LYST: variants seen among roughly 807,000 people sequenced by gnomAD.
The protein encoded by LYST is lysosomal-trafficking regulator.
In LYST, 192 loss-of-function variants were observed where a neutral mutation model predicts 413.6. The ratio of observed to expected loss-of-function variants is 0.46; its 90% CI spans 0.41 to 0.52. LYST has a LOEUF of 0.52. LYST is among the 20% of genes least tolerant of loss of function. The pLI, the probability that LYST is intolerant of heterozygous loss-of-function variation, is 0.00. For synonymous variants in LYST, 1,525 were observed against 1,567.3 expected (o/e 0.97, Z 0.64); for missense variants, 3,815 against 4,499.9 (o/e 0.85, Z 4.35).
At chr1:235,663,187 G>C in intron 52 of LYST, 109 bp from the exon 53 acceptor site, 2 of 770,858 alleles carry the variant, frequency 2.6e-6, no homozygotes, top group East Asian at 5.2e-5. Context: ...CAGTGGCGCA[G>C]AGAGACATAA....
At chr1:235,829,499 C>T (rs971476433) in intron 3 of LYST, 1 of 152,040 alleles carries the variant, frequency 6.6e-6, no homozygotes, top group Non-Finnish European at 1.5e-5. Context: ...AATTAGTTCC[C>T]TGAAAGCAGA....
chr1:235,713,417 C>A (rs1035555251), intron 42 of LYST, among the ~76,000 whole-genome samples: 5 of 152,170 alleles, frequency 3.3e-5, no homozygotes, highest in Non-Finnish European at 4.4e-5. Context: ...AAGAGTAGCA[C>A]ATTGGGTAGG....
At chr1:235,795,269 C>A (rs1044980593) in intron 10 of LYST, among the ~76,000 whole-genome samples, 1 of 152,156 alleles carries the variant, frequency 6.6e-6, no homozygotes, top group Non-Finnish European at 1.5e-5. Flanking sequence ...AGGTCCCAAA[C>A]CTGATAACTC....
chr1:235,693,090 C>T (rs1420263996), intron 47 of LYST, among the ~76,000 whole-genome samples: 2 of 152,180 alleles, frequency 1.3e-5, no homozygotes, highest in Non-Finnish European at 2.9e-5. Flanking sequence ...CCAAGGCGGG[C>T]AGATAACAAG....
chr1:235,782,879 T>G (rs1180679936), intron 14 of LYST, among the ~76,000 whole-genome samples: 1 of 152,198 alleles, frequency 6.6e-6, no homozygotes, highest in African/African-American at 2.4e-5. Flanking sequence ...TGCCAATACT[T>G]TCTGCATTTT....
In LYST at chr1:235,800,736, A is replaced by G. The variant is rs911639412; in HGVS notation, c.3939+135T>C. The G allele has an allele frequency of 1.1e-5, 7 of 665,770 alleles. No homozygotes were observed. The African/African-American group carries it at 1.3e-4, about 12-fold the overall frequency. 41.2% of individuals were successfully genotyped at this position (665,770 alleles called of 1,614,324 possible). On this transcript the variant is annotated intron_variant, in intron 9 of 52. Coordinates refer to ENST00000389793, the MANE Select transcript of LYST (RefSeq NM_000081.4). ...AGATTTTGGAATACCACTTGTAGGT[A>G]TTCACCTGAGGTACCAGAAAAGATA...
intron 52 of LYST, 120 bp downstream of exon 52, chr1:235,663,864 T>C (rs1658223483): frequency 8.2e-6 from 7 of 852,882 alleles, no homozygotes; most frequent in Non-Finnish European, 1.2e-5. Context: ...TGTTAAGTGG[T>C]TGGCTTTTCA....
At chr1:235,690,154 T>G (rs2103066756) in intron 47 of LYST, among the ~76,000 whole-genome samples, 1 of 152,336 alleles carries the variant, frequency 6.6e-6, no homozygotes, top group South Asian at 2.1e-4. Flanking sequence ...TTTCTTCACT[T>G]TTCATTGGAA....
chr1:235,763,650 G>C (rs1667819972), intron 21 of LYST, among the ~76,000 whole-genome samples: 1 of 151,490 alleles, frequency 6.6e-6, no homozygotes, highest in South Asian at 2.1e-4. Context: ...GGAGAGACGA[G>C]GTTTCGCTAT....
intron 1 of LYST, among the ~76,000 whole-genome samples, chr1:235,842,382 T>C (rs981626327): frequency 2.6e-5 from 4 of 152,102 alleles, no homozygotes; most frequent in African/African-American, 9.7e-5. Flanking sequence ...ACATCCACAG[T>C]GTGGCCCTGC....
chr1:235,747,309 G>A (rs1328493907), intron 28 of LYST: 1 of 439,358 alleles, frequency 2.3e-6, no homozygotes, highest in Middle Eastern at 3.4e-4. Flanking sequence ...GAGGAATAAT[G>A]GAACCCTTCA....
chr1:235,734,606 A>C lies in LYST; in HGVS notation c.8412T>G (p.Gly2804=). The change falls in exon 32 of 53, where the codon GGT becomes GGG. Residue 2804 remains glycine, a synonymous_variant. Coordinates refer to ENST00000389793, the MANE Select transcript of LYST (RefSeq NM_000081.4). The part of the protein sequence containing the change: ...YLSELIHNHQ[G]ELTEEELGTA... ...TGCCTAGCTCTTCTTCAGTCAATTC[A>C]CCTTGGTGATTATGTATCAACTCTG... 6.2e-7 allele frequency: 1 copy of C among 1,612,972 alleles called. No individual in the cohort carries two copies. The highest frequency in any genetic ancestry group is 8.5e-7 in the Non-Finnish European group (1 of 1,179,158).
chr1:235,797,718 A>G (rs922277174), intron 10 of LYST, among the ~76,000 whole-genome samples: 3 of 152,198 alleles, frequency 2.0e-5, no homozygotes, highest in Non-Finnish European at 4.4e-5. Context: ...GGATTTGTCA[A>G]TGATTTCTTA....
Position 235,809,603 on chromosome 1 carries a change from C to CA in LYST, c.1214dup (p.Leu405PhefsTer39). On this transcript the variant is annotated frameshift_variant, in exon 5 of 53. Transcript: ENST00000389793. LOFTEE classifies it high-confidence loss of function. The surrounding 1 kb of genome is among the most constrained non-coding windows in gnomAD (Gnocchi z 4.0). ...AGATCAGAATCTGAAGAACTCCTTCCAAAAGCTCAGGTAAAAGAAGGGCTC... is the reference window on the plus strand; with the variant it reads ...AGATCAGAATCTGAAGAACTCCTTCCAAAAAGCTCAGGTAAAAGAAGGGCTC... The CA allele has an allele frequency of 6.2e-7, 1 of 1,613,974 alleles. No homozygotes were observed. The highest frequency in any genetic ancestry group is 8.5e-7 in the Non-Finnish European group (1 of 1,179,908).
chr1:235,851,942 C>T (rs933871254), intron 1 of LYST, among the ~76,000 whole-genome samples: 1 of 152,038 alleles, frequency 6.6e-6, no homozygotes, highest in Non-Finnish European at 1.5e-5. Flanking sequence ...AATCATGATC[C>T]CATATTTATT....
At chr1:235,750,262 T>A (rs1318508868) in intron 28 of LYST, among the ~76,000 whole-genome samples, 2 of 152,154 alleles carry the variant, frequency 1.3e-5, no homozygotes, top group Non-Finnish European at 2.9e-5. Flanking sequence ...TAAGGAAGAA[T>A]GTAGAGGGCA....
chr1:235,871,463 C>G (rs1680920071), upstream of LYST, among the ~76,000 whole-genome samples: 2 of 152,134 alleles, frequency 1.3e-5, no homozygotes, highest in Admixed American at 1.3e-4. Context: ...ATGGAAATGT[C>G]CTAGTACTTT....
chr1:235,712,843 G>A, intron 42 of LYST: 1 of 984,964 alleles, frequency 1.0e-6, no homozygotes, highest in Non-Finnish European at 1.2e-6. Context: ...TAATAATAAA[G>A]AATTAAGTTT....
chr1:235,858,302 C>G (rs146788046), intron 1 of LYST, among the ~76,000 whole-genome samples: 172 of 152,252 alleles, frequency 1.1e-3, no homozygotes, highest in African/African-American at 3.7e-3. Context: ...AATGTTGATA[C>G]TAATATGTGA....
Sources: allele counts gnomAD v4.1 joint callset (sites outside exome capture counted in the v4.1 genomes callset), GRCh38; gene constraint gnomAD v4.1.1; non-coding constraint Gnocchi (gnomAD v3.1); transcripts MANE v1.5; gene names NCBI Gene and HGNC (gene_info 2026-07-23, HGNC 2026-07-21).